Variants in FBXL13 observed in about 807,000 individuals in gnomAD.
FBXL13 encodes the protein F-box and leucine rich repeat protein 13.
Under a neutral mutation model 83.6 loss-of-function variants are expected in FBXL13, and 67 were observed. That is an observed-to-expected ratio of 0.80 (90% CI 0.66 to 0.98). The LOEUF is 0.98. Among genes scored for constraint, FBXL13 ranks in the 50% least tolerant of loss-of-function variants. FBXL13 has a pLI of 0.00. For synonymous variants in FBXL13, 272 were observed against 299.5 expected (o/e 0.91, Z 0.95); for missense variants, 822 against 866.5 (o/e 0.95, Z 0.64).
chr7:102,904,633 TATTTC>T (rs1348699952), intron 11 of FBXL13, among the ~76,000 whole-genome samples: 1 of 152,102 alleles, frequency 6.6e-6, no homozygotes, highest in African/African-American at 2.4e-5. Context: ...CTCTGATCTT[TATTTC>T]TTTTCTTCTA....
At chr7:102,972,392 A>G (rs1826798084) in intron 6 of FBXL13, among the ~76,000 whole-genome samples, 2 of 152,226 alleles carry the variant, frequency 1.3e-5, no homozygotes, top group Non-Finnish European at 2.9e-5. Flanking sequence ...CATTAAAAAT[A>G]TTTGAGTAAC....
intron 8 of FBXL13, chr7:102,933,917 C>G: frequency 6.3e-7 from 1 of 1,597,958 alleles, no homozygotes; most frequent in South Asian, 1.1e-5. Context: ...TGTCAGGATG[C>G]GTGTGGTTAC....
At chr7:103,023,571 T>C (rs1793476668) in intron 6 of FBXL13, among the ~76,000 whole-genome samples, 2 of 152,158 alleles carry the variant, frequency 1.3e-5, no homozygotes, top group South Asian at 4.1e-4. Context: ...TGGCCATTTC[T>C]CAAAGAACAT....
intron 16 of FBXL13, among the ~76,000 whole-genome samples, chr7:102,862,118 G>A (rs1005917061): frequency 1.1e-4 from 17 of 152,136 alleles, no homozygotes; most frequent in Admixed American, 1.1e-3. Flanking sequence ...GCCAAGGCGG[G>A]TGGATCATGA....
chr7:102,910,668 G>A (rs1814506029), intron 11 of FBXL13, among the ~76,000 whole-genome samples: 2 of 152,108 alleles, frequency 1.3e-5, no homozygotes, highest in South Asian at 4.1e-4. Flanking sequence ...TTAGTACCAT[G>A]GGGCAGAAAG....
At chr7:103,053,301 C>T (rs557176982) in intron 2 of FBXL13, among the ~76,000 whole-genome samples, 173 of 151,844 alleles carry the variant, frequency 1.1e-3, no homozygotes, top group Middle Eastern at 3.5e-3. Flanking sequence ...TACAGGCACC[C>T]GCCACCATGC....
At chr7:103,060,858 C>G (rs1340310811) in intron 1 of FBXL13, among the ~76,000 whole-genome samples, 1 of 152,198 alleles carries the variant, frequency 6.6e-6, no homozygotes, top group Admixed American at 6.5e-5. Flanking sequence ...TTCCCTATCC[C>G]CTACCCCAAC....
chr7:102,839,809 T>C (rs971122089), intron 17 of FBXL13, among the ~76,000 whole-genome samples: 1 of 152,126 alleles, frequency 6.6e-6, no homozygotes, highest in African/African-American at 2.4e-5. Flanking sequence ...GTAAATTATA[T>C]AGGCATAAAC....
intron 17 of FBXL13, among the ~76,000 whole-genome samples, chr7:102,844,490 G>A (rs1033222769): frequency 3.8e-4 from 58 of 152,280 alleles, no homozygotes; most frequent in African/African-American, 1.3e-3. Flanking sequence ...GATAGAGTGG[G>A]AGAGAGAATG....
chr7:102,969,418 T>C (rs1308453886), intron 6 of FBXL13, among the ~76,000 whole-genome samples: 2 of 151,498 alleles, frequency 1.3e-5, no homozygotes, highest in Non-Finnish European at 2.9e-5. Context: ...AAAAATCACC[T>C]AATGACACAC....
chr7:102,880,406 C>A (rs1433302477), intron 14 of FBXL13, among the ~76,000 whole-genome samples: 3 of 152,192 alleles, frequency 2.0e-5, no homozygotes, highest in African/African-American at 7.2e-5. Flanking sequence ...CTATACTTCT[C>A]TCCTCTGTGA....
chr7:103,038,329 C>T (rs1360640663), intron 2 of FBXL13, among the ~76,000 whole-genome samples: 2 of 152,242 alleles, frequency 1.3e-5, no homozygotes, highest in African/African-American at 4.8e-5. Flanking sequence ...TGGGCGGAGC[C>T]CACCACAGCT....
At chr7:103,014,422 C>G (rs986515108) in intron 6 of FBXL13, among the ~76,000 whole-genome samples, 1 of 152,114 alleles carries the variant, frequency 6.6e-6, no homozygotes, top group African/African-American at 2.4e-5. Flanking sequence ...GATGGATTCA[C>G]AGCTGAATTC....
chr7:103,064,632 AAC>A (rs1466366546), intron 1 of FBXL13, among the ~76,000 whole-genome samples: 1 of 152,206 alleles, frequency 6.6e-6, no homozygotes, highest in Non-Finnish European at 1.5e-5. Flanking sequence ...CAATGGCCAT[AAC>A]AGTATCTCCC....
At chr7:103,052,143 T>C (rs1796879776) in intron 2 of FBXL13, among the ~76,000 whole-genome samples, 2 of 152,272 alleles carry the variant, frequency 1.3e-5, no homozygotes, top group South Asian at 4.1e-4. Context: ...TTCATAACCT[T>C]TGAAGTTTTT....
chr7:102,912,935 A>T, intron 11 of FBXL13, 151 bp downstream of exon 12: 1 of 1,032,360 alleles, frequency 9.7e-7, no homozygotes, highest in South Asian at 1.8e-5. Context: ...TCCTGGGGAA[A>T]ATTTCAGCAG....
intron 16 of FBXL13, among the ~76,000 whole-genome samples, chr7:102,860,808 G>A (rs567734181): frequency 5.9e-5 from 9 of 151,826 alleles, no homozygotes; most frequent in Non-Finnish European, 1.0e-4. Context: ...TCAAATGTAC[G>A]GAAAGGTTTA....
intron 6 of FBXL13, among the ~76,000 whole-genome samples, chr7:103,015,498 A>G (rs912204805): frequency 4.6e-5 from 7 of 152,154 alleles, no homozygotes; most frequent in African/African-American, 1.4e-4. Context: ...AAGTTTCAGG[A>G]TACAAAATCA....
At chr7:102,934,955 C>T (rs982829990) in intron 8 of FBXL13, among the ~76,000 whole-genome samples, 6 of 152,208 alleles carry the variant, frequency 3.9e-5, no homozygotes, top group Admixed American at 6.5e-5. Flanking sequence ...CAAGCTGTCA[C>T]TGTAAGGAAT....
Sources: gnomAD v4.1 joint callset for allele counts (sites outside exome capture counted in the v4.1 genomes callset) on GRCh38, gnomAD v4.1.1 for gene constraint, MANE v1.5 for transcripts, NCBI Gene and HGNC (gene_info 2026-07-23, HGNC 2026-07-21) for gene names.